Variants in SERPINI2 observed in about 807,000 individuals in gnomAD.
The protein encoded by SERPINI2 is serpin I2.
In SERPINI2, 48 loss-of-function variants were observed where a neutral mutation model predicts 47.3. The observed-to-expected ratio is 1.02, with a 90% CI of 0.81 to 1.29. The LOEUF is 1.29. Among genes scored for constraint, SERPINI2 ranks in the 50% most tolerant of loss-of-function variants. The pLI, the probability that SERPINI2 is intolerant of heterozygous loss-of-function variation, is 0.00. For missense variants in SERPINI2, 448 were observed against 456.9 expected, an observed-to-expected ratio of 0.98 and a Z score of 0.18; for synonymous variants, 135 against 149.3, an observed-to-expected ratio of 0.90 and a Z score of 0.70.
intron 8 of SERPINI2, among the ~76,000 whole-genome samples, chr3:167,443,199 C>T (rs1290197337): frequency 2.0e-5 from 3 of 152,192 alleles, no homozygotes; most frequent in African/African-American, 7.2e-5. Context: ...GCTCCGCCTC[C>T]CGGGTTCACG....
At chr3:167,464,177 C>T (rs1010804043) in intron 5 of SERPINI2, among the ~76,000 whole-genome samples, 17 of 151,930 alleles carry the variant, frequency 1.1e-4, no homozygotes, top group African/African-American at 4.1e-4. Flanking sequence ...CCATGCCCAG[C>T]TAATTTTGGT....
chr3:167,446,370 A>C (rs1749478770), intron 8 of SERPINI2, 22 bp downstream of exon 8: 1 of 1,511,248 alleles, frequency 6.6e-7, no homozygotes, highest in African/African-American at 1.4e-5. Context: ...CAGTTCCCCC[A>C]AATAATTCTC....
At chr3:167,458,856 G>A (rs1017023507) in intron 5 of SERPINI2, among the ~76,000 whole-genome samples, 2 of 152,154 alleles carry the variant, frequency 1.3e-5, no homozygotes, top group Non-Finnish European at 2.9e-5. Flanking sequence ...GAATAACTAA[G>A]TCAGATGATA....
chr3:167,448,009 A>C (rs1038553874), intron 7 of SERPINI2, among the ~76,000 whole-genome samples: 8 of 152,264 alleles, frequency 5.3e-5, no homozygotes, highest in Admixed American at 2.6e-4. Flanking sequence ...AAGACATTGA[A>C]ATGATAAATA....
intron 2 of SERPINI2, among the ~76,000 whole-genome samples, chr3:167,470,329 G>A (rs549342494): frequency 3.2e-4 from 49 of 152,170 alleles, no homozygotes; most frequent in African/African-American, 1.1e-3. Context: ...TATTTAAAAT[G>A]AAGCAAATAA....
rs1180584744 is a variant in SERPINI2 at position 167,467,501 on chromosome 3, T to A, written c.248-216A>T. Among the ~76,000 whole-genome samples, 4 of 152,148 alleles carry A rather than the reference T, an allele frequency of 2.6e-5. No homozygotes were observed. The East Asian group carries it at 5.8e-4, about 22-fold the overall frequency. On this transcript the variant is annotated intron_variant, in intron 2 of 8. Coordinates refer to ENST00000264677, the Ensembl canonical transcript of SERPINI2. ...ATCATCTTTTATATAGAAAAAAGAA[T>A]GTCCATGCAAATTTGAAATTTGTCA... is the stretch of plus-strand genomic sequence containing the variant.
intron 1 of SERPINI2, chr3:167,473,799 G>A: frequency 6.9e-7 from 1 of 1,446,602 alleles, no homozygotes; most frequent in Non-Finnish European, 9.1e-7. Flanking sequence ...TAAACAACCT[G>A]ATGAATAGTC....
Position 167,449,367 on chromosome 3 carries a change from T to C in SERPINI2, c.1000A>G (p.Lys334Glu), listed in dbSNP as rs761347196. The C allele has an allele frequency of 2.1e-5, 34 of 1,612,994 alleles. No individual in the cohort carries two copies. In the East Asian group the frequency reaches 6.9e-4, roughly 33 times the overall value. The change falls in exon 7 of 9, where the codon AAA becomes GAA. Residue 334 changes from lysine to glutamate, a missense_variant. Coordinates refer to ENST00000264677, the Ensembl canonical transcript of SERPINI2. ...TCTTCATTTATCTCAAAGAAAACTT[T>C]TTGCGTCACTTGGGAAACATACACT...
chr3:167,453,105 A>G, intron 5 of SERPINI2, 72 bp from the exon 6 acceptor site: 3 of 757,948 alleles, frequency 4.0e-6, no homozygotes, highest in Middle Eastern at 3.8e-4. Context: ...TTTTTAATGG[A>G]TGACTTAGAG....
rs780651251 is a variant in SERPINI2 at position 167,467,232 on chromosome 3, G to GT, written c.300dup (p.Gln101ThrfsTer6). On this transcript the variant is annotated frameshift_variant, in exon 3 of 9. Coordinates refer to ENST00000264677, the Ensembl canonical transcript of SERPINI2. LOFTEE classifies it high-confidence loss of function. ...TTGGCAAGATTAAATGTAAATTCTT[G>GT]TTTTTTCTCTGAGATGGCAGAGAAA... The GT allele has an allele frequency of 2.5e-6, 4 of 1,612,702 alleles. No individual in the cohort carries two copies. The highest frequency in any genetic ancestry group is 4.5e-5 in the East Asian group (2 of 44,786).
At chr3:167,463,494 GAAGT>G (rs926181111) in intron 5 of SERPINI2, among the ~76,000 whole-genome samples, 38 of 152,038 alleles carry the variant, frequency 2.5e-4, no homozygotes, top group African/African-American at 8.2e-4. Flanking sequence ...AAACAAAATA[GAAGT>G]AAGTCAAGGA....
At chr3:167,473,699 T>C (rs1199644603) in intron 1 of SERPINI2, 1 of 1,146,998 alleles carries the variant, frequency 8.7e-7, no homozygotes, top group Admixed American at 2.5e-5. Context: ...TAATAAATTA[T>C]AACCTCAGAC....
At chr3:167,468,421 G>A (rs1750209044) in intron 2 of SERPINI2, among the ~76,000 whole-genome samples, 1 of 151,974 alleles carries the variant, frequency 6.6e-6, no homozygotes, top group African/African-American at 2.4e-5. Flanking sequence ...CTCTCTGGGG[G>A]CTGGGCAGCT....
Position 167,473,687 on chromosome 3 carries a change from C to A in SERPINI2, c.-11+316G>T, listed in dbSNP as rs558407233. On this transcript the variant is annotated intron_variant, in intron 1 of 8. Coordinates refer to ENST00000264677, the Ensembl canonical transcript of SERPINI2. ...ATTTTTTCTAGAAAATTTCTAAGCA[C>A]TTAATAAATTATAACCTCAGACAAA... The A allele has an allele frequency of 7.0e-4, 698 of 990,206 alleles. 15 individuals are homozygous for A. In the South Asian group the frequency reaches 0.012, roughly 17 times the overall value. 61.3% of individuals were successfully genotyped at this position (990,206 alleles called of 1,614,324 possible).
At position 167,466,202 on chromosome 3, in the gene SERPINI2, G is replaced by A. The variant is rs536178314; in HGVS notation, c.479-529C>T. On this transcript the variant is annotated intron_variant, in intron 3 of 8. Coordinates refer to ENST00000264677, the Ensembl canonical transcript of SERPINI2. ...TCCAGTGAGTTTTTCCAAGTTATGA[G>A]AAATAGGCATGACTGGGTGCCATGG... is the stretch of plus-strand genomic sequence containing the variant. Among the ~76,000 whole-genome samples, 12 of 152,214 alleles carry A rather than the reference G, an allele frequency of 7.9e-5. No individual in the cohort carries two copies. In the South Asian group the frequency reaches 2.3e-3, roughly 29 times the overall value.
At chr3:167,454,839 C>G (rs1749739876) in intron 5 of SERPINI2, among the ~76,000 whole-genome samples, 1 of 152,090 alleles carries the variant, frequency 6.6e-6, no homozygotes, top group Non-Finnish European at 1.5e-5. Context: ...GTGTTAGGTA[C>G]TTAAGATAAA....
At chr3:167,451,837 G>T (rs1371184177) in intron 6 of SERPINI2, among the ~76,000 whole-genome samples, 1 of 152,278 alleles carries the variant, frequency 6.6e-6, no homozygotes, top group East Asian at 1.9e-4. Flanking sequence ...TTGGATTATT[G>T]AAGGTTGAAG....
chr3:167,473,756 T>G, intron 1 of SERPINI2: 1 of 1,481,984 alleles, frequency 6.7e-7, no homozygotes, highest in Non-Finnish European at 8.9e-7. Flanking sequence ...TTTTGGATCA[T>G]ATCTTATCAG....
chr3:167,449,275 C>G, intron 7 of SERPINI2, 41 bp downstream of exon 7: 10 of 1,317,120 alleles, frequency 7.6e-6, no homozygotes, highest in South Asian at 1.2e-5. Context: ...CATCCTCTCC[C>G]CATGTTTCCT....
Sources: allele counts gnomAD v4.1 joint callset (sites outside exome capture counted in the v4.1 genomes callset), GRCh38; gene constraint gnomAD v4.1.1; transcripts MANE v1.5; gene names NCBI Gene and HGNC (gene_info 2026-07-23, HGNC 2026-07-21).